The following HHLA1 variants were observed in gnomAD, a reference collection of about 807,000 sequenced individuals.
HHLA1 encodes HHLA1 neighbor of OC90.
HHLA1 carries 72 observed loss-of-function variants against 69.9 expected under a neutral mutation model. The ratio of observed to expected loss-of-function variants is 1.03; its 90% CI spans 0.85 to 1.25. HHLA1 has a LOEUF of 1.25. HHLA1 is among the 50% of genes most tolerant of loss of function. The probability of loss-of-function intolerance (pLI) is 0.00; values close to 1 mark genes in which losing one functional copy is unlikely to be tolerated. For synonymous variants in HHLA1, 252 were observed against 233.2 expected (o/e 1.08, Z -0.73); for missense variants, 685 against 642.2 (o/e 1.07, Z -0.72).
chr8:132,076,104 G>A lies in HHLA1; in HGVS notation c.1266C>T (p.Phe422=). 5.2e-6 allele frequency: 8 copies of A among 1,551,324 alleles called. No individual in the cohort carries two copies. Among genetic ancestry groups the A allele is most frequent in the Non-Finnish European group, 7.0e-6 (8 of 1,146,882 alleles). Residue 422 remains phenylalanine, a synonymous_variant, in exon 14 of 17, where the codon TTC becomes TTT. Transcript: ENST00000414222. The stretch of plus-strand genomic sequence containing the variant: ...CCAGGACTGGCTCTTCACCAGCAGT[G>A]AATGGCCACTCTGCAGAGAGATCAC... The part of the protein sequence containing the change: ...QTGDLSAEWP[F]TAGEEPVLVP...
chr8:132,080,147 A>T (rs1487746693), intron 10 of HHLA1, 181 bp from the exon 11 acceptor site: 1 of 838,778 alleles, frequency 1.2e-6, no homozygotes, highest in Admixed American at 2.0e-5. Flanking sequence ...CCTTTCTTCC[A>T]CCTCCAGCCC....
At position 132,077,975 on chromosome 8, in the gene HHLA1, C is replaced by A. The variant is rs574447180; in HGVS notation, c.926-4G>T. 2.6e-6 allele frequency: 4 copies of A among 1,551,496 alleles called. No homozygotes were observed. The highest frequency in any genetic ancestry group is 3.5e-6 in the Non-Finnish European group (4 of 1,146,886). The stretch of plus-strand genomic sequence containing the variant: ...GTTCTGGCCACCCTCCTGGTAGCTG[C>A]ACATTCAAAGTGACAGTAACAGGGT... On this transcript the variant is annotated splice_polypyrimidine_tract_variant and splice_region_variant and intron_variant, in intron 11 of 16. Coordinates refer to ENST00000414222, the MANE Select transcript of HHLA1 (RefSeq NM_001145095.3).
At chr8:132,075,936 G>A (rs1488935290) in intron 14 of HHLA1, 119 bp downstream of exon 14, 2 of 717,566 alleles carry the variant, frequency 2.8e-6, no homozygotes, top group Admixed American at 4.9e-5. Flanking sequence ...GCTGAGCTAA[G>A]ATTTGAATCC....
chr8:132,062,254 T>TC lies in HHLA1; in HGVS notation c.*1740_*1741insG, dbSNP rs1823365938. On this transcript the variant is annotated 3_prime_UTR_variant, in exon 17 of 17. Coordinates refer to ENST00000414222, the MANE Select transcript of HHLA1 (RefSeq NM_001145095.3). The stretch of plus-strand genomic sequence containing the variant: ...ATAATATACATTTATGAGCTTGACA[T>TC]TTGCATAACTTGGAGAGTCTTTCAA... 1 of 152,212 alleles carries TC rather than the reference T, an allele frequency of 6.6e-6. No homozygotes were observed. The highest frequency in any genetic ancestry group is 6.5e-5 in the Admixed American group (1 of 15,286). 9.4% of individuals were successfully genotyped at this position (152,212 alleles called of 1,614,324 possible).
At chr8:132,105,365 C>A in intron 1 of HHLA1, 79 bp from the exon 2 acceptor site, 1 of 884,810 alleles carries the variant, frequency 1.1e-6, no homozygotes, top group Non-Finnish European at 1.8e-6. Context: ...CGTGAGGAAT[C>A]ATTAAAATCA....
intron 7 of HHLA1, among the ~76,000 whole-genome samples, chr8:132,091,149 AATAAAT>A (rs1823940466): frequency 6.6e-6 from 1 of 152,198 alleles, no homozygotes; most frequent in Non-Finnish European, 1.5e-5. Context: ...CCATTTATCT[AATAAAT>A]ATTCATCGAG....
At chr8:132,106,077 G>C (rs1298826423) in intron 1 of HHLA1, among the ~76,000 whole-genome samples, 1 of 152,174 alleles carries the variant, frequency 6.6e-6, no homozygotes, top group Non-Finnish European at 1.5e-5. Flanking sequence ...ATGCATACTT[G>C]ATAACTGTAC....
chr8:132,096,944 G>A (rs1824035196), intron 5 of HHLA1, among the ~76,000 whole-genome samples: 1 of 152,042 alleles, frequency 6.6e-6, no homozygotes, highest in Admixed American at 6.6e-5. Context: ...CAAAGCGCTG[G>A]GATTATAGGC....
At chr8:132,064,805 T>G (rs975454274) in intron 16 of HHLA1, among the ~76,000 whole-genome samples, 2 of 152,032 alleles carry the variant, frequency 1.3e-5, no homozygotes, top group African/African-American at 4.8e-5. Context: ...TGAGAAACAG[T>G]GGAGGGCAGA....
chr8:132,090,702 T>C (rs1009295213), intron 7 of HHLA1, among the ~76,000 whole-genome samples: 3 of 151,804 alleles, frequency 2.0e-5, no homozygotes, highest in Admixed American at 6.5e-5. Context: ...TATGCAGGTA[T>C]AGACACCTGT....
At chr8:132,109,433 G>GA (rs34540955) in intron 1 of HHLA1, among the ~76,000 whole-genome samples, 5 of 151,992 alleles carry the variant, frequency 3.3e-5, no homozygotes, top group South Asian at 4.2e-4. Flanking sequence ...ATAAGCATAT[G>GA]AAAAAAAACA....
At position 132,089,507 on chromosome 8, in the gene HHLA1, T is replaced by C. The variant is rs1412166493; in HGVS notation, c.532+9A>G. 1.4e-6 allele frequency: 2 copies of C among 1,460,494 alleles called. No individual in the cohort carries two copies. Among genetic ancestry groups the C allele is most frequent in the Non-Finnish European group, 1.9e-6 (2 of 1,063,718 alleles). The allele number at this position is 1,460,494 out of a possible 1,614,324, so 90.5% of individuals were successfully genotyped here. A position where few individuals can be genotyped will look rare whatever the true frequency, so the allele number is the denominator to read the frequency against. ...CAAAGTTGCCAAAGCGTTTTCAAGA[T>C]GAACACACCTGAGAGGATGGAGGTT... On this transcript the variant is annotated intron_variant, in intron 8 of 16. Coordinates refer to ENST00000414222, the MANE Select transcript of HHLA1 (RefSeq NM_001145095.3).
At chr8:132,069,223 A>G (rs1456186955) in intron 15 of HHLA1, among the ~76,000 whole-genome samples, 1 of 152,136 alleles carries the variant, frequency 6.6e-6, no homozygotes, top group Non-Finnish European at 1.5e-5. Flanking sequence ...TTTGCCTGGA[A>G]AACTCCTATT....
chr8:132,077,814 C>A lies in HHLA1; in HGVS notation c.1083G>T (p.Glu361Asp). ...RSSPPTTAGT[E>D]EAMNTTSLLA... ...AAAGGCTTGTAGTGTTCATGGCTTC[C>A]TCGGTCCCTGCAGTAGTCGGTGGGG... The change falls in exon 12 of 17, where the codon GAG (glutamate) becomes GAT (aspartate). Residue 361 changes from glutamate to aspartate, a missense_variant. Transcript: ENST00000414222. 6.4e-7 allele frequency: 1 copy of A among 1,551,654 alleles called. No individual in the cohort carries two copies. The highest frequency in any genetic ancestry group is 8.7e-7 in the Non-Finnish European group (1 of 1,146,990).
rs572602104 is a variant in HHLA1 at position 132,071,049 on chromosome 8, C to T, written c.1469+291G>A. Among the ~76,000 whole-genome samples the T allele has an allele frequency of 1.2e-4, 18 of 152,248 alleles. 1 individual carries two copies. The South Asian group carries it at 3.7e-3, about 32-fold the overall frequency. The stretch of plus-strand genomic sequence containing the variant: ...AACTTATCTCAACTCATCACAACTC[C>T]AATTCAACTCAACTCAACTCCAATT... On this transcript the variant is annotated intron_variant, in intron 15 of 16. Transcript: ENST00000414222.
At chr8:132,105,390 C>T (rs1176955454) in intron 1 of HHLA1, 104 bp from the exon 2 acceptor site, 5 of 774,616 alleles carry the variant, frequency 6.5e-6, no homozygotes, top group Non-Finnish European at 1.1e-5. Context: ...CTGAAAAAGG[C>T]TTTGTACTAG....
chr8:132,079,157 C>G (rs777593344), intron 11 of HHLA1, among the ~76,000 whole-genome samples: 6 of 152,172 alleles, frequency 3.9e-5, no homozygotes, highest in Non-Finnish European at 7.3e-5. Flanking sequence ...TGATCATGTA[C>G]GCAAGATGCT....
chr8:132,096,273 G>T (rs1563748164), intron 5 of HHLA1, among the ~76,000 whole-genome samples: 1 of 152,140 alleles, frequency 6.6e-6, no homozygotes, highest in Non-Finnish European at 1.5e-5. Flanking sequence ...ATCATCACAT[G>T]GTCTTTTCTT....
At chr8:132,108,017 G>T (rs2130903344) in intron 1 of HHLA1, among the ~76,000 whole-genome samples, 1 of 152,338 alleles carries the variant, frequency 6.6e-6, no homozygotes, top group African/African-American at 2.4e-5. Context: ...GTTGGCCATT[G>T]TGATCTGGGC....
Sources: gnomAD v4.1 joint callset for allele counts (sites outside exome capture counted in the v4.1 genomes callset) on GRCh38, gnomAD v4.1.1 for gene constraint, MANE v1.5 for transcripts, NCBI Gene and HGNC (gene_info 2026-07-23, HGNC 2026-07-21) for gene names.